The following GRM8 variants were observed in gnomAD, a reference collection of about 807,000 sequenced individuals.
GRM8 encodes the protein glutamate metabotropic receptor 8, also known as metabotropic glutamate receptor 8.
In GRM8, 47 loss-of-function variants were observed where a neutral mutation model predicts 87.2. The observed-to-expected ratio is 0.54, with a 90% confidence interval of 0.43 to 0.69. The LOEUF is 0.69. Ranked by LOEUF, GRM8 falls within the 30% of genes least tolerant of loss-of-function variation. GRM8 has a pLI of 0.00. For missense variants in GRM8, 1,019 were observed against 1,139.2 expected (o/e 0.89, Z 1.52); for synonymous variants, 396 against 404.5 (o/e 0.98, Z 0.25).
intron 9 of GRM8, among the ~76,000 whole-genome samples, chr7:126,510,026 TTGTC>T (rs1344430045): frequency 1.3e-5 from 2 of 151,860 alleles, no homozygotes; most frequent in Non-Finnish European, 2.9e-5. Context: ...AAAGGTAAAA[TTGTC>T]TGCAAGTCCA....
At chr7:126,802,070 A>C (rs983764610) in intron 6 of GRM8, among the ~76,000 whole-genome samples, 3 of 152,204 alleles carry the variant, frequency 2.0e-5, no homozygotes, top group Admixed American at 1.3e-4. Context: ...AGCAAATAAA[A>C]ACTATATATT....
At chr7:126,485,613 TATTA>T (rs1191302020) in intron 9 of GRM8, among the ~76,000 whole-genome samples, 1 of 152,002 alleles carries the variant, frequency 6.6e-6, no homozygotes, top group African/African-American at 2.4e-5. Context: ...CAGACCTCTC[TATTA>T]TAGTATAGAC....
intron 3 of GRM8, among the ~76,000 whole-genome samples, chr7:126,960,111 A>C (rs565653498): frequency 6.6e-6 from 1 of 152,306 alleles, no homozygotes; most frequent in East Asian, 1.9e-4. Context: ...ACCCAGGTAA[A>C]TCAATGAAAA....
At chr7:126,557,224 T>C (rs190357455) in intron 8 of GRM8, among the ~76,000 whole-genome samples, 1 of 152,322 alleles carries the variant, frequency 6.6e-6, no homozygotes, top group Non-Finnish European at 1.5e-5. Flanking sequence ...AAGAAAACTT[T>C]GAAATCTTAA....
At chr7:127,195,161 A>AG (rs1320900039) in intron 2 of GRM8, among the ~76,000 whole-genome samples, 1 of 152,188 alleles carries the variant, frequency 6.6e-6, no homozygotes, top group Non-Finnish European at 1.5e-5. Context: ...TCAGTTAAAA[A>AG]TAAATTTTTA....
At chr7:127,051,739 C>CAAAAAA (rs59713382) in intron 3 of GRM8, among the ~76,000 whole-genome samples, 2 of 58,462 alleles carry the variant, frequency 3.4e-5, no homozygotes, top group African/African-American at 6.0e-5. Flanking sequence ...TAATGTTGAG[C>CAAAAAA]AAAAAAAAAA....
chr7:126,624,053 G>A (rs138696341), intron 7 of GRM8, among the ~76,000 whole-genome samples: 2 of 152,168 alleles, frequency 1.3e-5, no homozygotes, highest in East Asian at 3.9e-4. Context: ...CCTTGTCTTG[G>A]CTACTATAAC....
intron 7 of GRM8, among the ~76,000 whole-genome samples, chr7:126,636,373 G>A (rs1403776614): frequency 6.6e-6 from 1 of 151,858 alleles, no homozygotes; most frequent in Non-Finnish European, 1.5e-5. Context: ...GATATAAAAT[G>A]GCATATAACC....
intron 3 of GRM8, among the ~76,000 whole-genome samples, chr7:127,088,219 T>G (rs1477972936): frequency 6.6e-6 from 1 of 152,194 alleles, no homozygotes; most frequent in Non-Finnish European, 1.5e-5. Flanking sequence ...CTATTTTCAC[T>G]GACTGGACTC....
chr7:126,571,244 A>G (rs908904132), intron 8 of GRM8, among the ~76,000 whole-genome samples: 9 of 152,242 alleles, frequency 5.9e-5, no homozygotes, highest in African/African-American at 2.2e-4. Context: ...GTTGATAGAT[A>G]AAAATAAGTA....
intron 3 of GRM8, among the ~76,000 whole-genome samples, chr7:127,011,596 T>C (rs1288749734): frequency 6.6e-6 from 1 of 152,274 alleles, no homozygotes; most frequent in East Asian, 1.9e-4. Context: ...TAAGGAATAG[T>C]TGTAGTTTTT....
At chr7:126,648,792 G>GAAC (rs3840651) in intron 7 of GRM8, among the ~76,000 whole-genome samples, 46,434 of 151,880 alleles carry the variant, frequency 0.31, 7,930 homozygotes, top group East Asian at 0.43. Context: ...AACAAATGCT[G>GAAC]AACGACACTG....
intron 2 of GRM8, among the ~76,000 whole-genome samples, chr7:127,209,725 C>T (rs1443872530): frequency 2.0e-5 from 3 of 152,206 alleles, no homozygotes; most frequent in Non-Finnish European, 2.9e-5. Context: ...TCCATCTTCA[C>T]TGAAGTTCCT....
chr7:126,823,962 G>A lies in GRM8; in HGVS notation c.1157-53897C>T, dbSNP rs182709464. On this transcript the variant is annotated intron_variant, in intron 6 of 10. Coordinates refer to ENST00000339582, the MANE Select transcript of GRM8 (RefSeq NM_000845.3). ...TCCATATATAAGATAATGTGTTTGT[G>A]TGTGTGTGTCAAAGCAGAGGTTCAG... 3.0e-3 allele frequency among the ~76,000 whole-genome samples: 451 copies of A among 152,252 alleles called. 1 individual carries two copies. The highest frequency in any genetic ancestry group is 4.7e-3 in the Non-Finnish European group (321 of 68,020).
rs531870727 is a variant in GRM8, at chr7:126,748,908, G to A, written c.1357+20957C>T. Among the ~76,000 whole-genome samples the A allele has an allele frequency of 1.1e-4, 16 of 152,096 alleles. No homozygotes were observed. The South Asian group carries it at 3.3e-3, about 32-fold the overall frequency. ...TGGGAGACAGTCTTTTCAAATACTG[G>A]TAGTAGAACAATTAATATTGATATT... On this transcript the variant is annotated intron_variant, in intron 7 of 10. Coordinates refer to ENST00000339582, the MANE Select transcript of GRM8 (RefSeq NM_000845.3).
chr7:126,830,747 G>T (rs1261537286), intron 6 of GRM8, among the ~76,000 whole-genome samples: 1 of 152,206 alleles, frequency 6.6e-6, no homozygotes, highest in East Asian at 1.9e-4. Flanking sequence ...TGCTGGTGAG[G>T]AACTGCGTTC....
rs544387221 is a variant in GRM8, at chr7:127,203,912, A to C, written c.510+38783T>G. On this transcript the variant is annotated intron_variant, in intron 2 of 10. Transcript: ENST00000339582. The stretch of plus-strand genomic sequence containing the variant: ...CCATAACTAGAAAATAAATGCCTGC[A>C]TTGTAGAACTTCTTAAATGTTATTT... 1.6e-4 allele frequency among the ~76,000 whole-genome samples: 24 copies of C among 152,280 alleles called. No homozygotes were observed. In the East Asian group the frequency reaches 4.6e-3, roughly 29 times the overall value.
intron 7 of GRM8, among the ~76,000 whole-genome samples, chr7:126,668,500 C>T (rs992328367): frequency 4.6e-5 from 7 of 152,050 alleles, no homozygotes; most frequent in Admixed American, 4.6e-4. Flanking sequence ...CGAGACCCAC[C>T]TGTGAGCAGC....
intron 7 of GRM8, among the ~76,000 whole-genome samples, chr7:126,661,121 C>A (rs904971450): frequency 6.6e-6 from 1 of 152,124 alleles, no homozygotes; most frequent in Non-Finnish European, 1.5e-5. Flanking sequence ...CTATAGTCAA[C>A]AATGACTTAA....
Sources: gnomAD v4.1 joint callset for allele counts (sites outside exome capture counted in the v4.1 genomes callset) on GRCh38, gnomAD v4.1.1 for gene constraint, MANE v1.5 for transcripts, NCBI Gene and HGNC (gene_info 2026-07-23, HGNC 2026-07-21) for gene names.